PALM2AKAP2: variants seen among roughly 807,000 people sequenced by gnomAD.
PALM2AKAP2 encodes the protein PALM2-AKAP2 fusion protein.
PALM2AKAP2 carries 37 observed loss-of-function variants against 71.5 expected under a neutral mutation model. That is an observed-to-expected ratio of 0.52 (90% confidence interval 0.40 to 0.68). The LOEUF is 0.68. Ranked by LOEUF, PALM2AKAP2 falls within the 30% of genes least tolerant of loss-of-function variation. PALM2AKAP2 has a pLI of 0.00. For synonymous variants in PALM2AKAP2, 468 were observed against 478.8 expected, an observed-to-expected ratio of 0.98 and a Z score of 0.29; for missense variants, 1,224 against 1,191.8, an observed-to-expected ratio of 1.03 and a Z score of -0.40.
intron 1 of PALM2AKAP2, among the ~76,000 whole-genome samples, chr9:109,798,135 ATCT>A (rs1827316315): frequency 6.6e-6 from 1 of 152,068 alleles, no homozygotes; most frequent in East Asian, 1.9e-4. Context: ...TCTTCACATC[ATCT>A]TCTTTCTACA....
intron 1 of PALM2AKAP2, among the ~76,000 whole-genome samples, chr9:109,715,864 C>A (rs1386821858): frequency 1.3e-5 from 2 of 152,112 alleles, no homozygotes; most frequent in East Asian, 1.9e-4. Context: ...CTTTCTTCTT[C>A]TTTGTTAAGC....
chr9:109,872,408 G>A (rs1829622418), intron 2 of PALM2AKAP2, among the ~76,000 whole-genome samples: 1 of 152,176 alleles, frequency 6.6e-6, no homozygotes, highest in African/African-American at 2.4e-5. Flanking sequence ...CCAGCACAGA[G>A]TAGGCACTGA....
At chr9:109,908,556 C>T (rs1830499948) in intron 3 of PALM2AKAP2, among the ~76,000 whole-genome samples, 1 of 152,200 alleles carries the variant, frequency 6.6e-6, no homozygotes, top group African/African-American at 2.4e-5. Context: ...ATAATGCTTA[C>T]AAACCATTTA....
intron 1 of PALM2AKAP2, among the ~76,000 whole-genome samples, chr9:109,650,582 A>G (rs777182794): frequency 1.3e-5 from 2 of 152,084 alleles, no homozygotes; most frequent in South Asian, 2.1e-4. Context: ...ATGCCTGGCT[A>G]ATTTTTAAAT....
intron 1 of PALM2AKAP2, among the ~76,000 whole-genome samples, chr9:110,099,142 G>A (rs996435491): frequency 7.2e-5 from 11 of 152,208 alleles, no homozygotes; most frequent in African/African-American, 2.7e-4. Flanking sequence ...ACTCATTCTT[G>A]AGATTTCACA....
chr9:109,653,107 T>C (rs967300369), intron 1 of PALM2AKAP2, among the ~76,000 whole-genome samples: 2 of 152,228 alleles, frequency 1.3e-5, no homozygotes, highest in African/African-American at 4.8e-5. Flanking sequence ...TCAACTCTTT[T>C]AGTTTGCACT....
intron 1 of PALM2AKAP2, among the ~76,000 whole-genome samples, chr9:110,101,228 G>T (rs1564305325): frequency 6.6e-6 from 1 of 152,040 alleles, no homozygotes; most frequent in Non-Finnish European, 1.5e-5. Flanking sequence ...TGCCAAAACA[G>T]AAATTTTAAA....
intron 6 of PALM2AKAP2, among the ~76,000 whole-genome samples, chr9:109,988,991 C>A (rs940349053): frequency 1.3e-5 from 2 of 152,170 alleles, no homozygotes; most frequent in African/African-American, 2.4e-5. Flanking sequence ...GTAAGATGTG[C>A]CTTTGCCTTC....
At chr9:109,921,125 T>C (rs1830820010) in intron 3 of PALM2AKAP2, among the ~76,000 whole-genome samples, 1 of 152,218 alleles carries the variant, frequency 6.6e-6, no homozygotes, top group Non-Finnish European at 1.5e-5. Flanking sequence ...ACACACAGCC[T>C]CTCAAGTTAA....
chr9:109,779,784 C>T (rs1019254457), upstream of PALM2AKAP2, among the ~76,000 whole-genome samples: 3 of 152,204 alleles, frequency 2.0e-5, no homozygotes, highest in African/African-American at 7.2e-5. Context: ...GTAAATGTCC[C>T]CACGTGGAGC....
chr9:110,037,803 T>C (rs925495402), intron 7 of PALM2AKAP2, among the ~76,000 whole-genome samples: 1 of 152,176 alleles, frequency 6.6e-6, no homozygotes. Flanking sequence ...ATTTGCAATA[T>C]ACTTGTTAAT....
chr9:110,083,358 C>T (rs1273440096), intron 1 of PALM2AKAP2, among the ~76,000 whole-genome samples: 1 of 151,914 alleles, frequency 6.6e-6, no homozygotes, highest in African/African-American at 2.4e-5. Flanking sequence ...ACAAGCATAA[C>T]AGAAAACGAG....
chr9:110,020,969 G>A (rs1369247918), intron 7 of PALM2AKAP2, among the ~76,000 whole-genome samples: 1 of 152,000 alleles, frequency 6.6e-6, no homozygotes, highest in Non-Finnish European at 1.5e-5. Context: ...AATTAGGCAT[G>A]GTGGCACACG....
At chr9:109,716,641 G>A (rs1828324751) in intron 1 of PALM2AKAP2, among the ~76,000 whole-genome samples, 1 of 152,202 alleles carries the variant, frequency 6.6e-6, no homozygotes, top group South Asian at 2.1e-4. Flanking sequence ...CTTTAGTCAG[G>A]GATAGGGGGA....
chr9:110,099,162 A>G (rs1834931452), intron 1 of PALM2AKAP2, among the ~76,000 whole-genome samples: 1 of 152,216 alleles, frequency 6.6e-6, no homozygotes, highest in Admixed American at 6.5e-5. Flanking sequence ...AGCCATGTCT[A>G]AAGATCTAGG....
intron 6 of PALM2AKAP2, among the ~76,000 whole-genome samples, chr9:109,963,062 T>TTA (rs1443333160): frequency 6.6e-6 from 1 of 152,028 alleles, no homozygotes; most frequent in East Asian, 1.9e-4. Flanking sequence ...ACTTTAGGAG[T>TTA]TATGAGGACA....
chr9:109,675,685 ATT>A (rs1302226954), intron 1 of PALM2AKAP2, among the ~76,000 whole-genome samples: 2 of 152,290 alleles, frequency 1.3e-5, no homozygotes, highest in African/African-American at 4.8e-5. Flanking sequence ...CCCTATCATC[ATT>A]GTTTTAATTA....
At chr9:110,172,196 T>A (rs1836875514) in exon 4 of PALM2AKAP2, 1 of 152,608 alleles carries the variant, frequency 6.6e-6, no homozygotes, top group African/African-American at 2.4e-5. Flanking sequence ...AGCCTAAGTG[T>A]TAGAGATGGT....
intron 7 of PALM2AKAP2, among the ~76,000 whole-genome samples, chr9:110,032,138 TAA>T (rs1287318307): frequency 6.6e-6 from 1 of 152,132 alleles, no homozygotes; most frequent in Admixed American, 6.5e-5. Context: ...CAATATTAGT[TAA>T]GAGACTACTG....
Sources: gnomAD v4.1 joint callset for allele counts (sites outside exome capture counted in the v4.1 genomes callset) on GRCh38, gnomAD v4.1.1 for gene constraint, MANE v1.5 for transcripts, NCBI Gene and HGNC (gene_info 2026-07-23, HGNC 2026-07-21) for gene names.